Variants in SCN8A observed in about 807,000 individuals in gnomAD.
SCN8A encodes sodium voltage-gated channel alpha subunit 8.
A neutral mutation model predicts 184.1 loss-of-function variants in SCN8A; 30 were observed. The ratio of observed to expected loss-of-function variants is 0.16; its 90% confidence interval spans 0.12 to 0.22. SCN8A has a LOEUF of 0.22. Ranked by LOEUF, SCN8A falls within the 10% of genes least tolerant of loss-of-function variation. The pLI, the probability that SCN8A is intolerant of heterozygous loss-of-function variation, is 1.00. For missense variants in SCN8A, 1,057 were observed against 2,498.9 expected, an observed-to-expected ratio of 0.42 and a Z score of 12.30; for synonymous variants, 852 against 907.0, an observed-to-expected ratio of 0.94 and a Z score of 1.09.
chr12:51,616,208 G>C (rs1939832381), intron 1 of SCN8A, among the ~76,000 whole-genome samples: 1 of 152,110 alleles, frequency 6.6e-6, no homozygotes, highest in South Asian at 2.1e-4. Context: ...GTCTGCTAGT[G>C]ATGAATTATT....
rs143307190 is a variant in SCN8A at position 51,699,625 on chromosome 12, G to T, written c.762G>T (p.Val254=). The part of the protein sequence containing the change: ...LIQSVKKLSD[V]MILTVFCLSV... ...AGTCTGTGAAGAAACTGTCAGATGT[G>T]ATGATCCTGACAGTGTTCTGCCTGA... is the stretch of plus-strand genomic sequence containing the variant. The change falls in exon 7 of 27, where the codon GTG becomes GTT. Residue 254 remains valine, a synonymous_variant. Coordinates refer to ENST00000627620, the MANE Select transcript of SCN8A (RefSeq NM_001330260.2). 2 of 1,614,046 alleles carry T rather than the reference G, an allele frequency of 1.2e-6. No individual in the cohort carries two copies. The highest frequency in any genetic ancestry group is 1.7e-6 in the Non-Finnish European group (2 of 1,179,998).
chr12:51,622,807 C>T (rs1238343922), intron 1 of SCN8A, among the ~76,000 whole-genome samples: 1 of 152,120 alleles, frequency 6.6e-6, no homozygotes, highest in East Asian at 1.9e-4. Flanking sequence ...AGCTTTACCT[C>T]CTACAGAGGG....
chr12:51,697,038 C>A (rs1442759171), intron 6 of SCN8A, among the ~76,000 whole-genome samples: 629 of 124,168 alleles, frequency 5.1e-3, no homozygotes, highest in South Asian at 7.3e-3. Context: ...GAATCCGACT[C>A]AAAAAAAAAA....
At chr12:51,731,656 A>G (rs1032757494) in intron 12 of SCN8A, among the ~76,000 whole-genome samples, 3 of 152,040 alleles carry the variant, frequency 2.0e-5, no homozygotes, top group Non-Finnish European at 2.9e-5. Context: ...ACTGTTCTCC[A>G]TAGTGGTTGT....
At chr12:51,738,821 C>G (rs1031965037) in intron 12 of SCN8A, among the ~76,000 whole-genome samples, 5 of 152,208 alleles carry the variant, frequency 3.3e-5, no homozygotes, top group African/African-American at 1.2e-4. Context: ...CCACAGACTC[C>G]TGTTGGGACC....
intron 14 of SCN8A, 125 bp from the exon 15 acceptor site, chr12:51,762,378 T>G (rs1942775138): frequency 1.1e-6 from 1 of 882,842 alleles, no homozygotes; most frequent in Admixed American, 2.3e-5. Context: ...ATTGATATCT[T>G]CAGATGCAGA....
chr12:51,734,596 C>A (rs879624961), intron 12 of SCN8A, among the ~76,000 whole-genome samples: 1 of 152,202 alleles, frequency 6.6e-6, no homozygotes, highest in Non-Finnish European at 1.5e-5. Context: ...AAACCCACAA[C>A]CTTCCAGCTT....
At chr12:51,679,186 T>C (rs1592374464) in intron 2 of SCN8A, among the ~76,000 whole-genome samples, 1 of 152,092 alleles carries the variant, frequency 6.6e-6, no homozygotes, top group East Asian at 1.9e-4. Context: ...GAGGATTGCA[T>C]GAGGCCAGGA....
At chr12:51,644,604 G>A (rs1384696889) in intron 1 of SCN8A, among the ~76,000 whole-genome samples, 4 of 152,160 alleles carry the variant, frequency 2.6e-5, no homozygotes, top group African/African-American at 9.6e-5. Context: ...CCTCCCAGCA[G>A]CCTGCCTTGG....
chr12:51,653,059 C>T (rs1172242130), intron 1 of SCN8A, among the ~76,000 whole-genome samples: 1 of 152,190 alleles, frequency 6.6e-6, no homozygotes, highest in African/African-American at 2.4e-5. Flanking sequence ...GTGGCTCACG[C>T]CTGTAATCCC....
intron 2 of SCN8A, among the ~76,000 whole-genome samples, chr12:51,682,251 G>A (rs780335185): frequency 3.7e-4 from 57 of 152,152 alleles, no homozygotes; most frequent in Admixed American, 1.3e-3. Flanking sequence ...TGTTGAGGCT[G>A]TCTGTGTCTA....
intron 1 of SCN8A, among the ~76,000 whole-genome samples, chr12:51,604,373 G>A (rs1939536415): frequency 6.6e-6 from 1 of 151,972 alleles, no homozygotes; most frequent in Non-Finnish European, 1.5e-5. Context: ...TCAATTGCCT[G>A]TATTTATGTG....
At chr12:51,633,424 T>C (rs938029686) in intron 1 of SCN8A, among the ~76,000 whole-genome samples, 1 of 152,226 alleles carries the variant, frequency 6.6e-6, no homozygotes, top group African/African-American at 2.4e-5. Context: ...TTCTGTATGC[T>C]CAAAGTTCAC....
intron 1 of SCN8A, among the ~76,000 whole-genome samples, chr12:51,602,675 G>A (rs1939493895): frequency 6.6e-6 from 1 of 152,126 alleles, no homozygotes; most frequent in Non-Finnish European, 1.5e-5. Context: ...ATGGATGCTA[G>A]TCCAGATTTT....
At position 51,699,722 on chromosome 12, in the gene SCN8A, A is replaced by C. The variant is rs2138735873; in HGVS notation, c.859A>C (p.Asn287His). The change falls in exon 7 of 27, where the codon AAC becomes CAC. Residue 287 changes from asparagine to histidine, a missense_variant. Asn to His is a moderately conservative substitution (Grantham distance 68, BLOSUM62 1). This residue lies in a region of SCN8A where 26 missense variants were observed against 44.4 expected (regional missense o/e 0.59). Coordinates refer to ENST00000627620, the MANE Select transcript of SCN8A (RefSeq NM_001330260.2). ...LRNKCVVWPINFNESYLENGT... is the reference protein window; with the variant it reads ...LRNKCVVWPIHFNESYLENGT... ...AAACAAGTGTGTTGTGTGGCCCATA[A>C]ACTTCAACGAGAGCTATCTTGAAAA... The C allele has an allele frequency of 6.2e-7, 1 of 1,613,958 alleles. No individual in the cohort carries two copies. Among genetic ancestry groups the C allele is most frequent in the Middle Eastern group, 1.7e-4 (1 of 6,060 alleles).
At chr12:51,726,805 A>G (rs1942162290) in intron 12 of SCN8A, among the ~76,000 whole-genome samples, 1 of 152,184 alleles carries the variant, frequency 6.6e-6, no homozygotes, top group African/African-American at 2.4e-5. Context: ...AACAGTACCG[A>G]ATTGCTTGAC....
chr12:51,797,987 C>T (rs953412829), intron 26 of SCN8A, among the ~76,000 whole-genome samples: 1 of 152,128 alleles, frequency 6.6e-6, no homozygotes. Flanking sequence ...GGAGTGGTGC[C>T]ACTTCCATTT....
At chr12:51,668,097 C>T (rs921833303) in intron 2 of SCN8A, among the ~76,000 whole-genome samples, 8 of 151,230 alleles carry the variant, frequency 5.3e-5, no homozygotes, top group Admixed American at 1.3e-4. Flanking sequence ...GCAGGAGAAT[C>T]GCTTGAACCC....
At chr12:51,795,969 C>T (rs7306698) in intron 26 of SCN8A, among the ~76,000 whole-genome samples, 28,620 of 151,616 alleles carry the variant, frequency 0.19, 3,309 homozygotes, top group East Asian at 0.4. Flanking sequence ...ATTGTTTAAG[C>T]CCGGGAGGTC....
Sources: allele counts gnomAD v4.1 joint callset (sites outside exome capture counted in the v4.1 genomes callset), GRCh38; gene constraint gnomAD v4.1.1; regional missense constraint gnomAD v4.1.1; transcripts MANE v1.5; gene names NCBI Gene and HGNC (gene_info 2026-07-23, HGNC 2026-07-21).